Variants in KIAA0319L observed in about 807,000 individuals in gnomAD.
KIAA0319L encodes the protein KIAA0319 like.
Under a neutral mutation model 120.1 loss-of-function variants are expected in KIAA0319L, and 55 were observed. The ratio of observed to expected loss-of-function variants is 0.46; its 90% confidence interval spans 0.37 to 0.57. KIAA0319L has a LOEUF of 0.57. Among genes scored for constraint, KIAA0319L ranks in the 20% least tolerant of loss-of-function variants. The pLI, the probability that KIAA0319L is intolerant of heterozygous loss-of-function variation, is 0.00. For synonymous variants in KIAA0319L, 398 were observed against 471.9 expected (o/e 0.84, Z 2.03); for missense variants, 1,049 against 1,255.3 (o/e 0.84, Z 2.48).
intron 2 of KIAA0319L, among the ~76,000 whole-genome samples, chr1:35,536,039 T>C (rs980220432): frequency 5.3e-5 from 8 of 152,228 alleles, no homozygotes; most frequent in Admixed American, 1.3e-4. Context: ...TCTTGAGTTA[T>C]AGTCATTTGA....
intron 2 of KIAA0319L, among the ~76,000 whole-genome samples, chr1:35,549,323 G>A (rs1005394834): frequency 1.3e-5 from 2 of 152,036 alleles, no homozygotes; most frequent in African/African-American, 4.8e-5. Flanking sequence ...GCTAGGATAA[G>A]CCAATGCACC....
At chr1:35,467,937 C>T (rs1643377601) in intron 6 of KIAA0319L, among the ~76,000 whole-genome samples, 1 of 152,170 alleles carries the variant, frequency 6.6e-6, no homozygotes, top group East Asian at 1.9e-4. Context: ...GATCCACCCA[C>T]CTCGGCCTCC....
Position 35,442,905 on chromosome 1 carries a change from C to T in KIAA0319L, c.2779+1G>A. The T allele has an allele frequency of 6.2e-7, 1 of 1,614,226 alleles. No individual in the cohort carries two copies. The highest frequency in any genetic ancestry group is 8.5e-7 in the Non-Finnish European group (1 of 1,180,038). On this transcript the variant is annotated splice_donor_variant, in intron 18 of 20. Transcript: ENST00000325722. LOFTEE classifies it high-confidence loss of function. Reference sequence around the variant, plus strand: ...GGCACTGTGCCACATAGAAAACTCACCACAGTTGCTGTCTCCATCCCTCAG... The same window carrying T: ...GGCACTGTGCCACATAGAAAACTCATCACAGTTGCTGTCTCCATCCCTCAG...
chr1:35,525,318 T>C (rs145719065), intron 2 of KIAA0319L, among the ~76,000 whole-genome samples: 1 of 152,218 alleles, frequency 6.6e-6, no homozygotes, highest in Admixed American at 6.5e-5. Context: ...GGAGTGCACA[T>C]ATCCCTTTAA....
Position 35,434,992 on chromosome 1 carries a change from C to G in KIAA0319L, c.3052G>C (p.Asp1018His), listed in dbSNP as rs1640669460. The G allele has an allele frequency of 1.2e-6, 2 of 1,614,210 alleles. No homozygotes were observed. Among genetic ancestry groups the G allele is most frequent in the Non-Finnish European group, 1.7e-6 (2 of 1,180,044 alleles). ...TGCAGGAGTTTGCCCTTCTCTCGGT[C>G]TGGCCATGTAAAGATGGCATCATCG... Reference protein sequence around the residue: ...DSDDAIFTWPDREKGKLLHGQ... With the variant: ...DSDDAIFTWPHREKGKLLHGQ... Residue 1018 changes from aspartate to histidine, a missense_variant, in exon 21 of 21, where the codon GAC becomes CAC. Coordinates refer to ENST00000325722, the MANE Select transcript of KIAA0319L (RefSeq NM_024874.5).
At chr1:35,451,604 C>T in intron 13 of KIAA0319L, 24 bp downstream of exon 13, 3 of 1,611,088 alleles carry the variant, frequency 1.9e-6, no homozygotes, top group South Asian at 1.1e-5. Context: ...GAGGCTGCTA[C>T]ACAAACTGGA....
At chr1:35,542,651 G>A (rs1397235314) in intron 2 of KIAA0319L, among the ~76,000 whole-genome samples, 1 of 152,182 alleles carries the variant, frequency 6.6e-6, no homozygotes, top group Non-Finnish European at 1.5e-5. Flanking sequence ...ACAGGGAAGA[G>A]CTGAGGCTTT....
At chr1:35,436,574 C>T (rs937023110) in intron 20 of KIAA0319L, among the ~76,000 whole-genome samples, 4 of 152,186 alleles carry the variant, frequency 2.6e-5, no homozygotes, top group African/African-American at 9.7e-5. Context: ...CCCAAAGCCC[C>T]TCTGGCTATA....
At position 35,474,819 on chromosome 1, in the gene KIAA0319L, TG is replaced by T; in HGVS notation, c.1000del (p.Gln334LysfsTer15). 1 of 1,600,400 alleles carries T rather than the reference TG, an allele frequency of 6.2e-7. No homozygotes were observed. The highest frequency in any genetic ancestry group is 8.6e-7 in the Non-Finnish European group (1 of 1,168,040). On this transcript the variant is annotated frameshift_variant, in exon 5 of 21. Transcript: ENST00000325722. LOFTEE classifies it high-confidence loss of function. ...GGGATGTTTACCTTTAGGTGGTTCT[TG>T]GAGAACATATGCATTTAATTGAACT... ...NEVQLNAYVL[Q>X]EPPKGETYTY...
chr1:35,507,216 T>C, intron 2 of KIAA0319L, 81 bp from the exon 3 acceptor site: 1 of 1,366,468 alleles, frequency 7.3e-7, no homozygotes, highest in Non-Finnish European at 9.8e-7. Flanking sequence ...AGAACCAACA[T>C]TTGAGGTTAT....
chr1:35,472,272 G>A (rs906697167), intron 5 of KIAA0319L, among the ~76,000 whole-genome samples: 6 of 152,144 alleles, frequency 3.9e-5, no homozygotes. Context: ...CAGTGACTGA[G>A]GACAGTCGTT....
chr1:35,473,388 G>A (rs1412438820), intron 5 of KIAA0319L, among the ~76,000 whole-genome samples: 1 of 152,050 alleles, frequency 6.6e-6, no homozygotes, highest in Admixed American at 6.6e-5. Flanking sequence ...GTGAGCCACC[G>A]TGCCTGGCCA....
chr1:35,554,385 G>C lies in KIAA0319L; in HGVS notation c.107C>G (p.Thr36Ser), dbSNP rs1005559870. The part of the protein sequence containing the change: ...KWLRSLYLFY[T>S]CFCFSVLWLS... ...CCACAGAACGCTGAAGCAAAAGCAA[G>C]TATAAAACAGGTACAGGCTTCTCAA... Residue 36 changes from threonine (T) to serine (S), a missense_variant, in exon 2 of 21, where the codon ACT (threonine) becomes AGT (serine). Thr to Ser is a moderately conservative substitution (Grantham distance 58). Coordinates refer to ENST00000325722, the MANE Select transcript of KIAA0319L (RefSeq NM_024874.5). 1.2e-6 allele frequency: 2 copies of C among 1,610,960 alleles called. No homozygotes were observed. Among genetic ancestry groups the C allele is most frequent in the African/African-American group, 2.7e-5 (2 of 74,732 alleles).
Position 35,478,475 on chromosome 1 carries a change from A to C in KIAA0319L, c.913+491T>G, listed in dbSNP as rs11264161. ...TGAAGGGATGGATACTCTATTTTAC[A>C]TGATGTGATTATTACACATTGCATG... On this transcript the variant is annotated intron_variant, in intron 4 of 20. Transcript: ENST00000325722. Among the ~76,000 whole-genome samples, 551 of 152,342 alleles carry C rather than the reference A, an allele frequency of 3.6e-3. 5 individuals are homozygous for C. The highest frequency in any genetic ancestry group is 0.013 in the African/African-American group (524 of 41,568).
intron 16 of KIAA0319L, among the ~76,000 whole-genome samples, chr1:35,444,836 A>G (rs1190213928): frequency 6.6e-6 from 1 of 152,222 alleles, no homozygotes; most frequent in Non-Finnish European, 1.5e-5. Context: ...TATGATGACA[A>G]CAAAAAGATC....
At chr1:35,553,040 T>C (rs140734491) in intron 2 of KIAA0319L, among the ~76,000 whole-genome samples, 4,568 of 151,644 alleles carry the variant, frequency 0.03, 108 homozygotes, top group Admixed American at 0.054. Context: ...TGAGCCGAGA[T>C]TGTGCCACTG....
chr1:35,481,827 T>C (rs1183199805), intron 3 of KIAA0319L, among the ~76,000 whole-genome samples: 4 of 134,774 alleles, frequency 3.0e-5, no homozygotes, highest in Non-Finnish European at 6.4e-5. Flanking sequence ...TTTTTTTTTT[T>C]TTTTTTTTTT....
intron 3 of KIAA0319L, among the ~76,000 whole-genome samples, chr1:35,504,122 T>C (rs192738027): frequency 1.5e-4 from 23 of 151,792 alleles, no homozygotes; most frequent in East Asian, 7.8e-4. Flanking sequence ...CTGACCTCAA[T>C]TGATACACCT....
At position 35,466,664 on chromosome 1, in the gene KIAA0319L, A is replaced by T; in HGVS notation, c.1145T>A (p.Ile382Asn). 6.2e-7 allele frequency: 1 copy of T among 1,613,540 alleles called. No homozygotes were observed. ...CCCATGGGCATTTTGACCCTCTACAATCACTTTGAATTCATACAGGCCTGG... is the reference window on the plus strand; with the variant it reads ...CCCATGGGCATTTTGACCCTCTACATTCACTTTGAATTCATACAGGCCTGG... ...LTPGLYEFKV[I>N]VEGQNAHGEG... The change falls in exon 7 of 21, where the codon ATT (isoleucine) becomes AAT (asparagine). Residue 382 changes from isoleucine (I) to asparagine (N), a missense_variant. Transcript: ENST00000325722.
Sources: allele counts gnomAD v4.1 joint callset (sites outside exome capture counted in the v4.1 genomes callset), GRCh38; gene constraint gnomAD v4.1.1; transcripts MANE v1.5; gene names NCBI Gene and HGNC (gene_info 2026-07-23, HGNC 2026-07-21).